Variants in STK31 observed in about 807,000 individuals in gnomAD.
STK31 encodes the protein serine/threonine kinase 31.
A neutral mutation model predicts 129.7 loss-of-function variants in STK31; 89 were observed. The observed-to-expected ratio is 0.69, with a 90% CI of 0.58 to 0.82. The LOEUF (loss-of-function observed/expected upper bound fraction) is 0.82. STK31 is among the 40% of genes least tolerant of loss of function. The pLI is 0.00. For missense variants in STK31, 1,187 were observed against 1,176.4 expected (o/e 1.01, Z -0.13); for synonymous variants, 448 against 395.3 (o/e 1.13, Z -1.58).
chr7:23,786,920 C>T lies in STK31; in HGVS notation c.2483C>T (p.Ser828Leu). The T allele has an allele frequency of 6.2e-7, 1 of 1,613,084 alleles. No homozygotes were observed. The highest frequency in any genetic ancestry group is 8.5e-7 in the Non-Finnish European group (1 of 1,179,402). ...NAVQANMPLN[S>L]EETLKVMKGV... ...GTTCAAGCCAACATGCCTTTAAATT[C>T]AGAAGTAAGTAAAAAGCACTATTTA... is the stretch of plus-strand genomic sequence containing the variant. The change falls in exon 20 of 24, where the codon TCA (serine) becomes TTA (leucine). Residue 828 changes from serine (S) to leucine (L), a missense_variant. Around this residue, in one of 5 missense-constraint regions of STK31, gnomAD observed 975 missense variants for 934.9 expected, o/e 1.04. Transcript: ENST00000355870.
At chr7:23,722,223 G>A (rs1786753186) in intron 4 of STK31, 1 of 152,492 alleles carries the variant, frequency 6.6e-6, no homozygotes, top group East Asian at 1.9e-4. Flanking sequence ...TCTACTTTTT[G>A]TCTTTGATGA....
chr7:23,710,620 TA>T, intron 1 of STK31: 1 of 1,259,374 alleles, frequency 7.9e-7, no homozygotes, highest in East Asian at 3.7e-5. Flanking sequence ...CTGTGCCATT[TA>T]AGTTTCAAAA....
At chr7:23,727,433 A>T in intron 5 of STK31, 118 bp downstream of exon 5, 2 of 760,232 alleles carry the variant, frequency 2.6e-6, no homozygotes, top group Non-Finnish European at 4.4e-6. Context: ...TGGTTCAGTG[A>T]TTAAAACACA....
intron 23 of STK31, among the ~76,000 whole-genome samples, chr7:23,828,224 A>C (rs1794300019): frequency 6.6e-6 from 1 of 152,090 alleles, no homozygotes; most frequent in African/African-American, 2.4e-5. Context: ...GGCCTCTTTG[A>C]GCTGTGGTGG....
intron 10 of STK31, among the ~76,000 whole-genome samples, chr7:23,755,674 G>T (rs1789028654): frequency 6.6e-6 from 1 of 152,106 alleles, no homozygotes; most frequent in South Asian, 2.1e-4. Context: ...GTTAATTTTT[G>T]TGTAAAGTGT....
Position 23,819,563 on chromosome 7 carries a change from C to T in STK31, c.2829+4351C>T, listed in dbSNP as rs1031887733. Among the ~76,000 whole-genome samples, 311 of 146,988 alleles carry T rather than the reference C, an allele frequency of 2.1e-3. 1 individual carries two copies. The highest frequency in any genetic ancestry group is 7.3e-3 in the African/African-American group (297 of 40,526). On this transcript the variant is annotated intron_variant, in intron 23 of 23. Coordinates refer to ENST00000355870, the MANE Select transcript of STK31 (RefSeq NM_031414.5). ...TTGAGTAGCTGGGATTACTGGCATG[C>T]GCCACCATGCCCAGCTAATTTTTGT...
chr7:23,825,321 T>C (rs1406186533), intron 23 of STK31, among the ~76,000 whole-genome samples: 1 of 152,220 alleles, frequency 6.6e-6, no homozygotes, highest in Non-Finnish European at 1.5e-5. Flanking sequence ...CCTGGCTTAG[T>C]CTTGGGAGTG....
intron 17 of STK31, 43 bp from the exon 18 acceptor site, chr7:23,785,435 G>A: frequency 6.3e-7 from 1 of 1,596,052 alleles, no homozygotes; most frequent in South Asian, 1.1e-5. Context: ...TTAAGTGCTG[G>A]GATTGTTTGG....
chr7:23,810,313 A>G (rs1355044061), intron 22 of STK31, among the ~76,000 whole-genome samples: 1 of 151,800 alleles, frequency 6.6e-6, no homozygotes, highest in Non-Finnish European at 1.5e-5. Context: ...TTTCTTGTAA[A>G]TAACATATAG....
In STK31 at chr7:23,754,469, T is replaced by G. The variant is rs763074873; in HGVS notation, c.1288T>G (p.Tyr430Asp). Residue 430 changes from tyrosine to aspartate, a missense_variant, in exon 10 of 24, where the codon TAT becomes GAT. Coordinates refer to ENST00000355870, the MANE Select transcript of STK31 (RefSeq NM_031414.5). ...LAQENIKTCE[Y>D]VSEGNILIAQ... ...TCAGGAGAATATTAAAACTTGTGAA[T>G]ATGTGGTGAGTTGGGAATTTTTCTC... 1.2e-6 allele frequency: 2 copies of G among 1,608,600 alleles called. No homozygotes were observed. The highest frequency in any genetic ancestry group is 1.1e-5 in the South Asian group (1 of 89,128).
chr7:23,720,517 C>T (rs116480483), intron 4 of STK31, among the ~76,000 whole-genome samples: 668 of 151,968 alleles, frequency 4.4e-3, no homozygotes, highest in African/African-American at 0.014. Context: ...TAGTGAACTA[C>T]AGGAAAAACA....
chr7:23,736,903 G>C lies in STK31; in HGVS notation c.843-1G>C. 1 of 1,595,908 alleles carries C rather than the reference G, an allele frequency of 6.3e-7. No homozygotes were observed. Among genetic ancestry groups the C allele is most frequent in the Non-Finnish European group, 8.5e-7 (1 of 1,173,362 alleles). ...CAAAATAAATGAATTTGTTTTTATA[G>C]GGAAAGTTTGGCTGTTGGTGACTTT... On this transcript the variant is annotated splice_acceptor_variant, in intron 7 of 23. Coordinates refer to ENST00000355870, the MANE Select transcript of STK31 (RefSeq NM_031414.5). LOFTEE classifies it high-confidence loss of function.
chr7:23,768,048 C>T (rs1447978693), intron 11 of STK31, among the ~76,000 whole-genome samples: 6 of 151,308 alleles, frequency 4.0e-5, no homozygotes, highest in African/African-American at 1.2e-4. Flanking sequence ...TTTTTGTGCA[C>T]CTGCCCCGAC....
chr7:23,805,741 T>A (rs1302545671), intron 22 of STK31, among the ~76,000 whole-genome samples: 1 of 152,224 alleles, frequency 6.6e-6, no homozygotes, highest in Non-Finnish European at 1.5e-5. Context: ...CACCTTTGTC[T>A]GCCAACATGG....
chr7:23,750,189 C>T lies in STK31; in HGVS notation c.1018-2528C>T, dbSNP rs1391485070. On this transcript the variant is annotated intron_variant, in intron 8 of 23. Transcript: ENST00000355870. ...AAAATTCACAAAAGCATGGGGGCCC[C>T]CATGACTGGATGCCCCTGGAGCTTT... is the stretch of plus-strand genomic sequence containing the variant. Among the ~76,000 whole-genome samples, 3 of 151,516 alleles carry T rather than the reference C, an allele frequency of 2.0e-5. No homozygotes were observed. In the Admixed American group the frequency reaches 2.0e-4, roughly 10 times the overall value.
intron 9 of STK31, 78 bp from the exon 10 acceptor site, chr7:23,754,237 T>C (rs898070072): frequency 1.4e-6 from 2 of 1,459,790 alleles, no homozygotes; most frequent in African/African-American, 1.4e-5. Flanking sequence ...TTTAGACCAT[T>C]ACTATTAAAG....
intron 11 of STK31, among the ~76,000 whole-genome samples, chr7:23,763,750 A>G (rs1467243959): frequency 3.6e-5 from 4 of 111,366 alleles, no homozygotes; most frequent in Non-Finnish European, 5.9e-5. Context: ...AAATGTTTTC[A>G]TTTGAAATGT....
intron 23 of STK31, among the ~76,000 whole-genome samples, chr7:23,830,229 G>C (rs574610874): frequency 5.3e-5 from 8 of 151,908 alleles, no homozygotes; most frequent in African/African-American, 2.4e-5. Flanking sequence ...TATTGATTTT[G>C]TTTATCTTTT....
chr7:23,732,672 G>A (rs757810577), intron 6 of STK31, among the ~76,000 whole-genome samples: 2 of 152,192 alleles, frequency 1.3e-5, no homozygotes, highest in Non-Finnish European at 2.9e-5. Flanking sequence ...TATGCAAGGA[G>A]TAATGGACCT....
Sources: gnomAD v4.1 joint callset for allele counts (sites outside exome capture counted in the v4.1 genomes callset) on GRCh38, gnomAD v4.1.1 for gene constraint, gnomAD v4.1.1 regional missense constraint, MANE v1.5 for transcripts, NCBI Gene and HGNC (gene_info 2026-07-23, HGNC 2026-07-21) for gene names.